The following SOX5 variants were observed in gnomAD, a reference collection of about 807,000 sequenced individuals.
SOX5 encodes SRY-box transcription factor 5.
Under a neutral mutation model 92.0 loss-of-function variants are expected in SOX5, and 9 were observed. That is an observed-to-expected ratio of 0.10 (90% CI 0.06 to 0.17). The LOEUF is 0.17. SOX5 is among the 10% of genes least tolerant of loss of function. The pLI is 1.00. For missense variants in SOX5, 642 were observed against 944.5 expected, an observed-to-expected ratio of 0.68 and a Z score of 4.20; for synonymous variants, 344 against 336.3, an observed-to-expected ratio of 1.02 and a Z score of -0.25.
At chr12:23,874,896 A>C (rs2096911379) in intron 2 of SOX5, among the ~76,000 whole-genome samples, 1 of 152,166 alleles carries the variant, frequency 6.6e-6, no homozygotes, top group South Asian at 2.1e-4. Context: ...AGTACCATAG[A>C]AGAAGGGGGA....
chr12:24,345,809 GA>G (rs1239852188), intron 2 of SOX5, among the ~76,000 whole-genome samples: 51 of 152,150 alleles, frequency 3.4e-4, no homozygotes, highest in African/African-American at 1.2e-3. Flanking sequence ...GTACTTCACT[GA>G]AGGCATTAAT....
At chr12:24,508,008 TATG>T (rs1948963653) in intron 1 of SOX5, among the ~76,000 whole-genome samples, 1 of 152,032 alleles carries the variant, frequency 6.6e-6, no homozygotes, top group African/African-American at 2.4e-5. Flanking sequence ...CAAGGCAAAG[TATG>T]ATGTCATCGG....
chr12:24,293,200 G>C (rs1162625845), intron 2 of SOX5, among the ~76,000 whole-genome samples: 1 of 152,144 alleles, frequency 6.6e-6, no homozygotes, highest in Non-Finnish European at 1.5e-5. Flanking sequence ...AAGGTGATAT[G>C]TGATGGAAGG....
At chr12:24,210,767 C>T (rs192706376) in intron 4 of SOX5, among the ~76,000 whole-genome samples, 2 of 152,320 alleles carry the variant, frequency 1.3e-5, no homozygotes, top group Admixed American at 1.3e-4. Context: ...GCTGTATTAT[C>T]TAACATTAGC....
chr12:23,797,643 C>T (rs896726013), intron 3 of SOX5, among the ~76,000 whole-genome samples: 21 of 151,976 alleles, frequency 1.4e-4, no homozygotes, highest in African/African-American at 4.8e-4. Flanking sequence ...TGGGATAATT[C>T]CTGAAGCCCC....
chr12:24,372,205 T>C (rs1203078294), intron 1 of SOX5, among the ~76,000 whole-genome samples: 1 of 152,214 alleles, frequency 6.6e-6, no homozygotes, highest in African/African-American at 2.4e-5. Flanking sequence ...TACATAGTTA[T>C]ACACGTGCCA....
intron 3 of SOX5, among the ~76,000 whole-genome samples, chr12:23,807,771 C>A (rs976459914): frequency 1.3e-5 from 2 of 151,784 alleles, no homozygotes; most frequent in African/African-American, 4.8e-5. Flanking sequence ...CCTCAGCATC[C>A]TGAGTAGCTG....
chr12:24,056,205 G>C (rs1398549005), intron 4 of SOX5, among the ~76,000 whole-genome samples: 1 of 152,090 alleles, frequency 6.6e-6, no homozygotes, highest in Non-Finnish European at 1.5e-5. Context: ...GCTTTTAAAT[G>C]ATCAGTGACT....
At chr12:23,664,038 T>A (rs1446006953) in intron 7 of SOX5, among the ~76,000 whole-genome samples, 1 of 152,126 alleles carries the variant, frequency 6.6e-6, no homozygotes, top group African/African-American at 2.4e-5. Context: ...CATATGTGAA[T>A]TTGTATAGTC....
At chr12:24,529,187 A>C (rs759813121) in intron 1 of SOX5, among the ~76,000 whole-genome samples, 1 of 152,238 alleles carries the variant, frequency 6.6e-6, no homozygotes, top group Non-Finnish European at 1.5e-5. Context: ...TACTACACAG[A>C]AAATAGAAAC....
intron 2 of SOX5, among the ~76,000 whole-genome samples, chr12:24,335,248 T>G (rs1210725825): frequency 2.4e-5 from 3 of 125,458 alleles, no homozygotes; most frequent in African/African-American, 6.0e-5. Context: ...ACAACTTCCT[T>G]GTAGCTATTT....
chr12:24,095,091 A>C (rs1172264542), intron 4 of SOX5, among the ~76,000 whole-genome samples: 7 of 81,300 alleles, frequency 8.6e-5, no homozygotes, highest in Non-Finnish European at 1.4e-4. Flanking sequence ...TAGCCCCGAA[A>C]CACACACACA....
At chr12:23,743,725 T>A (rs2093884364) in intron 4 of SOX5, among the ~76,000 whole-genome samples, 1 of 152,190 alleles carries the variant, frequency 6.6e-6, no homozygotes, top group Non-Finnish European at 1.5e-5. Flanking sequence ...CACCTACAGT[T>A]GGTCCTGCAA....
chr12:24,025,560 A>T (rs1954788779), intron 4 of SOX5, among the ~76,000 whole-genome samples: 2 of 152,052 alleles, frequency 1.3e-5, no homozygotes. Flanking sequence ...TAATATTCAC[A>T]GAAGAATGGA....
At chr12:23,974,597 T>C (rs1569343188) in intron 4 of SOX5, among the ~76,000 whole-genome samples, 1 of 152,164 alleles carries the variant, frequency 6.6e-6, no homozygotes, top group Non-Finnish European at 1.5e-5. Flanking sequence ...TTCAAACAGT[T>C]AGGTGCATTC....
intron 7 of SOX5, among the ~76,000 whole-genome samples, chr12:23,653,240 GT>G (rs1238187449): frequency 1.3e-5 from 2 of 151,820 alleles, no homozygotes; most frequent in African/African-American, 4.8e-5. Flanking sequence ...ACACTTAGCT[GT>G]TTATAGGTCC....
At chr12:24,454,714 T>C (rs1942785071) in intron 1 of SOX5, among the ~76,000 whole-genome samples, 2 of 152,226 alleles carry the variant, frequency 1.3e-5, no homozygotes, top group African/African-American at 4.8e-5. Flanking sequence ...TAAAATTATA[T>C]GCTTGGAACG....
chr12:23,962,153 A>G (rs1947017068), intron 4 of SOX5, among the ~76,000 whole-genome samples: 1 of 152,182 alleles, frequency 6.6e-6, no homozygotes, highest in South Asian at 2.1e-4. Flanking sequence ...AGACTGTGTG[A>G]GAAGGTGAGT....
chr12:24,103,835 G>A (rs1946370655), intron 4 of SOX5, among the ~76,000 whole-genome samples: 1 of 152,082 alleles, frequency 6.6e-6, no homozygotes, highest in African/African-American at 2.4e-5. Context: ...GGAGACGTGA[G>A]TTTAGTGTAG....
Sources: allele counts gnomAD v4.1 joint callset (sites outside exome capture counted in the v4.1 genomes callset), GRCh38; gene constraint gnomAD v4.1.1; transcripts MANE v1.5; gene names NCBI Gene and HGNC (gene_info 2026-07-23, HGNC 2026-07-21).